The following PLXNA1 variants were observed in gnomAD, a reference collection of about 807,000 sequenced individuals.
PLXNA1 encodes plexin A1.
In PLXNA1, 77 loss-of-function variants were observed where a neutral mutation model predicts 191.7. The ratio of observed to expected loss-of-function variants is 0.40; its 90% CI spans 0.33 to 0.49. PLXNA1 has a LOEUF of 0.49. Ranked by LOEUF, PLXNA1 falls within the 20% of genes least tolerant of loss-of-function variation. PLXNA1 has a pLI of 0.63. For missense variants in PLXNA1, 2,110 were observed against 2,660.2 expected (o/e 0.79, Z 4.55); for synonymous variants, 1,137 against 1,156.4 (o/e 0.98, Z 0.34).
At chr3:127,021,587 G>A (rs1428184401) in intron 21 of PLXNA1, among the ~76,000 whole-genome samples, 2 of 152,298 alleles carry the variant, frequency 1.3e-5, no homozygotes, top group South Asian at 2.1e-4. Flanking sequence ...GAGACTGGTC[G>A]TGCATTGGTT....
At chr3:126,997,608 C>G (rs1182390773) in intron 3 of PLXNA1, among the ~76,000 whole-genome samples, 2 of 152,250 alleles carry the variant, frequency 1.3e-5, no homozygotes, top group Non-Finnish European at 2.9e-5. Context: ...TCTGTGCTTC[C>G]TGGTGAGCGT....
chr3:127,017,772 A>G lies in PLXNA1; in HGVS notation c.3540A>G (p.Ala1180=), dbSNP rs762951496. Reference sequence around the variant, plus strand: ...AGGGCCGGAACCTCTTGCCACCTGCACCCGGCAACTCCCGACTCAACTACA... The same window carrying G: ...AGGGCCGGAACCTCTTGCCACCTGCGCCCGGCAACTCCCGACTCAACTACA... ...ILKGRNLLPP[A]PGNSRLNYTV... is the part of the protein sequence containing the mutation. Residue 1180 remains alanine (A), a synonymous_variant, in exon 19 of 32, where the codon GCA becomes GCG. Transcript: ENST00000393409. The G allele has an allele frequency of 4.3e-6, 7 of 1,612,898 alleles. No homozygotes were observed. In the East Asian group the frequency reaches 8.9e-5, roughly 21 times the overall value.
intron 3 of PLXNA1, among the ~76,000 whole-genome samples, chr3:126,993,776 C>T (rs1449950598): frequency 1.3e-5 from 2 of 152,212 alleles, no homozygotes; most frequent in African/African-American, 4.8e-5. Flanking sequence ...AGGCAAGGCA[C>T]GCCTCTGCTT....
At chr3:126,985,766 C>T (rs931308459) in intron 1 of PLXNA1, among the ~76,000 whole-genome samples, 14 of 152,160 alleles carry the variant, frequency 9.2e-5, no homozygotes, top group African/African-American at 2.7e-4. Flanking sequence ...TCTGGAAGCT[C>T]GAAATTTGGG....
chr3:127,006,220 A>G (rs186419502), intron 8 of PLXNA1, 42 bp downstream of exon 8: 2 of 1,462,870 alleles, frequency 1.4e-6, no homozygotes, highest in African/African-American at 1.4e-5. Flanking sequence ...GGCCTGGGCT[A>G]CTTGCCCCAC....
Sources: allele counts gnomAD v4.1 joint callset (sites outside exome capture counted in the v4.1 genomes callset), GRCh38; gene constraint gnomAD v4.1.1; transcripts MANE v1.5; gene names NCBI Gene and HGNC (gene_info 2026-07-23, HGNC 2026-07-21).